The following IPO9 variants were observed in gnomAD, a reference collection of about 807,000 sequenced individuals.
The protein encoded by IPO9 is importin-9.
A neutral mutation model predicts 128.6 loss-of-function variants in IPO9; 28 were observed. The observed-to-expected ratio is 0.22, with a 90% confidence interval of 0.16 to 0.30. The LOEUF is 0.30. Ranked by LOEUF, IPO9 falls within the 10% of genes least tolerant of loss-of-function variation. IPO9 has a pLI of 1.00. For synonymous variants in IPO9, 455 were observed against 475.8 expected, an observed-to-expected ratio of 0.96 and a Z score of 0.57; for missense variants, 935 against 1,293.9, an observed-to-expected ratio of 0.72 and a Z score of 4.26.
At chr1:201,857,914 A>G (rs1173981053) in intron 11 of IPO9, among the ~76,000 whole-genome samples, 1 of 152,196 alleles carries the variant, frequency 6.6e-6, no homozygotes, top group Non-Finnish European at 1.5e-5. Context: ...TAACATCCAA[A>G]TACCTGCTCA....
chr1:201,836,119 CAAAAAAAA>C (rs34447985), intron 1 of IPO9, among the ~76,000 whole-genome samples: 3 of 55,362 alleles, frequency 5.4e-5, no homozygotes, highest in African/African-American at 2.5e-4. Flanking sequence ...GACTCCATCT[CAAAAAAAA>C]AAAAAAAAAA....
At position 201,874,869 on chromosome 1, in the gene IPO9, A is replaced by AGAG. The variant is rs543977738; in HGVS notation, c.2886_2888dup (p.Glu962dup). 39 of 1,611,608 alleles carry AGAG rather than the reference A, an allele frequency of 2.4e-5. No homozygotes were observed. The highest frequency in any genetic ancestry group is 1.1e-4 in the South Asian group (10 of 91,024). ...ATATGTGGGAGGACCAGGAGGAGGA[A>AGAG]GAGGAGGAGGAGGAGGATGGTTTAG... On this transcript the variant is annotated inframe_insertion, in exon 22 of 24. Coordinates refer to ENST00000361565, the MANE Select transcript of IPO9 (RefSeq NM_018085.5).
intron 6 of IPO9, among the ~76,000 whole-genome samples, chr1:201,853,734 C>T (rs576076248): frequency 6.6e-6 from 1 of 151,754 alleles, no homozygotes; most frequent in East Asian, 1.9e-4. Context: ...AATGAGTGAA[C>T]GAATGAATTT....
rs1169175883 is a variant in IPO9, at chr1:201,878,126, A to G, written c.*2072A>G. On this transcript the variant is annotated 3_prime_UTR_variant, in exon 24 of 24. Transcript: ENST00000361565. ...CTGCGGGCATGTTCACAGTCGTCCCATGCCAGCCAGGTTCTGAGGCTAACT... is the reference window on the plus strand; with the variant it reads ...CTGCGGGCATGTTCACAGTCGTCCCGTGCCAGCCAGGTTCTGAGGCTAACT... 1 of 152,194 alleles carries G rather than the reference A, an allele frequency of 6.6e-6. No homozygotes were observed. The highest frequency in any genetic ancestry group is 1.5e-5 in the Non-Finnish European group (1 of 68,054). 9.4% of individuals were successfully genotyped at this position (152,194 alleles called of 1,614,324 possible). A position where few individuals can be genotyped will look rare whatever the true frequency, so the allele number is the denominator to read the frequency against.
Position 201,880,320 on chromosome 1 carries a change from G to T in IPO9, c.*4266G>T, listed in dbSNP as rs771393401. The T allele has an allele frequency of 1.3e-5, 2 of 152,188 alleles. No homozygotes were observed. Among genetic ancestry groups the T allele is most frequent in the Non-Finnish European group, 2.9e-5 (2 of 68,046 alleles). 9.4% of individuals were successfully genotyped at this position (152,188 alleles called of 1,614,324 possible). A position where few individuals can be genotyped will look rare whatever the true frequency, so the allele number is the denominator to read the frequency against. On this transcript the variant is annotated 3_prime_UTR_variant, in exon 24 of 24. Coordinates refer to ENST00000361565, the MANE Select transcript of IPO9 (RefSeq NM_018085.5). ...TGGAAGGTCCTTTCAGTCTTCCTGT[G>T]CCTATCAGTGATCCTCATTGCCATG... is the stretch of plus-strand genomic sequence containing the variant.
intron 1 of IPO9, among the ~76,000 whole-genome samples, chr1:201,841,195 A>G (rs1186965699): frequency 6.6e-6 from 1 of 152,214 alleles, no homozygotes. Context: ...ACTTTGTAAA[A>G]TAGTATTTAC....
chr1:201,871,021 G>T, intron 18 of IPO9, 140 bp from the exon 19 acceptor site: 1 of 1,269,828 alleles, frequency 7.9e-7, no homozygotes, highest in East Asian at 2.3e-5. Flanking sequence ...ACATGGACAA[G>T]GAAATCTCCC....
intron 1 of IPO9, among the ~76,000 whole-genome samples, chr1:201,846,477 A>G (rs910795620): frequency 2.0e-5 from 3 of 152,144 alleles, no homozygotes; most frequent in African/African-American, 4.8e-5. Flanking sequence ...GGTTCAAACA[A>G]TTCTCTGCTT....
intron 1 of IPO9, among the ~76,000 whole-genome samples, chr1:201,833,385 C>T (rs1488691900): frequency 4.6e-5 from 7 of 151,848 alleles, no homozygotes; most frequent in Admixed American, 1.3e-4. Flanking sequence ...ATTACAGGCG[C>T]GTACCAACAC....
rs772737508 is a variant in IPO9 at position 201,853,040 on chromosome 1, C to T, written c.633C>T (p.Ala211=). 10 of 1,613,980 alleles carry T rather than the reference C, an allele frequency of 6.2e-6. No individual in the cohort carries two copies. The African/African-American group carries it at 6.7e-5, about 11-fold the overall frequency. Residue 211 remains alanine (A), a synonymous_variant, in exon 6 of 24, where the codon GCC becomes GCT. Transcript: ENST00000361565. ...ATGGTATTCGAACCCGTTCCCGAGC[C>T]GTGGAGATTTTTACCACTTGTGCCC... The part of the protein sequence containing the change: ...EVYGIRTRSR[A]VEIFTTCAHM...
intron 20 of IPO9, 50 bp downstream of exon 20, chr1:201,873,011 A>T: frequency 1.3e-6 from 2 of 1,553,556 alleles, no homozygotes; most frequent in Non-Finnish European, 1.7e-6. Context: ...GAAGGGGCTA[A>T]GGATACCTGG....
rs2102898192 is a variant in IPO9, at chr1:201,883,875, T to C, written c.*7821T>C. 6.6e-6 allele frequency: 1 copy of C among 152,390 alleles called. No homozygotes were observed. Among genetic ancestry groups the C allele is most frequent in the Non-Finnish European group, 1.5e-5 (1 of 68,038 alleles). 9.4% of individuals were successfully genotyped at this position (152,390 alleles called of 1,614,324 possible). On this transcript the variant is annotated 3_prime_UTR_variant, in exon 24 of 24. Coordinates refer to ENST00000361565, the MANE Select transcript of IPO9 (RefSeq NM_018085.5). Reference sequence around the variant, plus strand: ...AGGTTCACAGCAAGAGCACAGAAACTAGGGCCAGTGCCCGGTTGTGTGACC... The same window carrying C: ...AGGTTCACAGCAAGAGCACAGAAACCAGGGCCAGTGCCCGGTTGTGTGACC...
At chr1:201,838,785 T>C (rs933339508) in intron 1 of IPO9, among the ~76,000 whole-genome samples, 4 of 152,096 alleles carry the variant, frequency 2.6e-5, no homozygotes, top group African/African-American at 9.7e-5. Flanking sequence ...ACATAAAATA[T>C]AAAAATCAAT....
chr1:201,866,751 A>G lies in IPO9; in HGVS notation c.1647A>G (p.Lys549=). ...TCTCTAGTTATTGTGACCAACTGAAAGTCTCAGAGAGTACCCACGTGCTCC... is the reference window on the plus strand; with the variant it reads ...TCTCTAGTTATTGTGACCAACTGAAGGTCTCAGAGAGTACCCACGTGCTCC... ...RAIWGYCDQL[K]VSESTHVLQP... is the part of the protein sequence containing the mutation. Residue 549 remains lysine, a synonymous_variant, in exon 15 of 24, where the codon AAA becomes AAG. Coordinates refer to ENST00000361565, the MANE Select transcript of IPO9 (RefSeq NM_018085.5). 3 of 1,613,884 alleles carry G rather than the reference A, an allele frequency of 1.9e-6. No individual in the cohort carries two copies. The highest frequency in any genetic ancestry group is 2.5e-6 in the Non-Finnish European group (3 of 1,179,856).
intron 10 of IPO9, among the ~76,000 whole-genome samples, chr1:201,856,606 T>C (rs996733395): frequency 6.6e-6 from 1 of 152,210 alleles, no homozygotes; most frequent in Non-Finnish European, 1.5e-5. Flanking sequence ...TGCTACTTAA[T>C]AGTATTTATT....
At position 201,831,148 on chromosome 1, in the gene IPO9, C is replaced by T. The variant is rs188293340; in HGVS notation, c.163+1776C>T. ...CTCCCAAAGTGCTGGGATTACAGGC[C>T]TCAGCCACCACACCTGGCATCTTTT... is the stretch of plus-strand genomic sequence containing the variant. On this transcript the variant is annotated intron_variant, in intron 1 of 23. Transcript: ENST00000361565. 1.4e-3 allele frequency among the ~76,000 whole-genome samples: 220 copies of T among 152,078 alleles called. 1 individual carries two copies. Among genetic ancestry groups the T allele is most frequent in the African/African-American group, 5.0e-3 (206 of 41,474 alleles).
At chr1:201,829,501 G>C (rs551589616) in intron 1 of IPO9, 129 bp downstream of exon 1, 2 of 952,546 alleles carry the variant, frequency 2.1e-6, no homozygotes, top group East Asian at 6.6e-5. Context: ...GGAGCAGGAA[G>C]CGAGAGATTG....
rs186955292 is a variant in IPO9, at chr1:201,832,129, G to A, written c.163+2757G>A. The stretch of plus-strand genomic sequence containing the variant: ...GTTGGCCAGGTTGTCTCGAACTCCT[G>A]ACCTCAGGTGATCCACCCGCCTCGG... On this transcript the variant is annotated intron_variant, in intron 1 of 23. Coordinates refer to ENST00000361565, the MANE Select transcript of IPO9 (RefSeq NM_018085.5). Among the ~76,000 whole-genome samples, 468 of 151,696 alleles carry A rather than the reference G, an allele frequency of 3.1e-3. 1 individual carries two copies. The highest frequency in any genetic ancestry group is 5.0e-3 in the Non-Finnish European group (338 of 67,946).
chr1:201,860,341 C>T (rs1249445904), intron 13 of IPO9, among the ~76,000 whole-genome samples: 1 of 152,216 alleles, frequency 6.6e-6, no homozygotes, highest in Non-Finnish European at 1.5e-5. Context: ...ACATCCAGAG[C>T]TCAGATGCGT....
Sources: gnomAD v4.1 joint callset for allele counts (sites outside exome capture counted in the v4.1 genomes callset) on GRCh38, gnomAD v4.1.1 for gene constraint, MANE v1.5 for transcripts, NCBI Gene and HGNC (gene_info 2026-07-23, HGNC 2026-07-21) for gene names.